SNX32: variants seen among roughly 807,000 people sequenced by gnomAD.
SNX32 encodes sorting nexin-32.
SNX32 carries 58 observed loss-of-function variants against 57.0 expected under a neutral mutation model. That is an observed-to-expected ratio of 1.02 (90% CI 0.82 to 1.27). SNX32 has a LOEUF of 1.27. Among genes scored for constraint, SNX32 ranks in the 50% most tolerant of loss-of-function variants. SNX32 has a pLI of 0.00. For synonymous variants in SNX32, 262 were observed against 220.4 expected, an observed-to-expected ratio of 1.19 and a Z score of -1.67; for missense variants, 589 against 541.2, an observed-to-expected ratio of 1.09 and a Z score of -0.88.
At chr11:65,852,055 T>C (rs1047790909) in intron 9 of SNX32, among the ~76,000 whole-genome samples, 4 of 152,148 alleles carry the variant, frequency 2.6e-5, no homozygotes, top group Non-Finnish European at 5.9e-5. Flanking sequence ...AAAATGTCTA[T>C]TGGACCGCAT....
At position 65,834,050 on chromosome 11, in the gene SNX32, G is replaced by A; in HGVS notation, c.-16G>A. 6.4e-7 allele frequency: 1 copy of A among 1,550,412 alleles called. No individual in the cohort carries two copies. Among genetic ancestry groups the A allele is most frequent in the Non-Finnish European group, 8.7e-7 (1 of 1,146,362 alleles). ...AGCACGCGGGCAGTGGCCGGACGCT[G>A]AAGCCCAGGAGAGCGATGGAGACGT... is the stretch of plus-strand genomic sequence containing the variant. On this transcript the variant is annotated 5_prime_UTR_variant, in exon 1 of 13. Transcript: ENST00000308342.
chr11:65,834,166 A>G (rs1257683927), intron 1 of SNX32, 65 bp downstream of exon 1: 44 of 1,464,032 alleles, frequency 3.0e-5, no homozygotes, highest in Non-Finnish European at 3.6e-5. Context: ...GTGATGCCCA[A>G]TCATGCGGTG....
At chr11:65,851,706 G>A (rs1221523260) in intron 9 of SNX32, 27 bp downstream of exon 9, 1 of 1,613,366 alleles carries the variant, frequency 6.2e-7, no homozygotes, top group Admixed American at 1.7e-5. Context: ...GTGCTCAAAG[G>A]CTTTCCTGGT....
In SNX32 at chr11:65,839,215, A is replaced by ATTTTTTTTTTTTTTTTTTT. The variant is rs1555032605; in HGVS notation, c.36+5121_36+5122insTTTTTTTTTTTTTTTTTTT. Among the ~76,000 whole-genome samples the ATTTTTTTTTTTTTTTTTTT allele has an allele frequency of 3.0e-3, 59 of 19,528 alleles. 9 individuals are homozygous for ATTTTTTTTTTTTTTTTTTT. The highest frequency in any genetic ancestry group is 0.022 in the Middle Eastern group (1 of 46). The allele number at this position is 19,528 out of a possible 152,430, so 12.8% of individuals were successfully genotyped here. The stretch of plus-strand genomic sequence containing the variant: ...AGCTGTGCCCCACCACGCCCAGCTA[A>ATTTTTTTTTTTTTTTTTTT]TTTTTTTGTATTTTTTTTTTTTTTT... On this transcript the variant is annotated intron_variant, in intron 1 of 12. Transcript: ENST00000308342.
chr11:65,853,011 C>A, intron 12 of SNX32, 53 bp downstream of exon 12: 2 of 1,577,416 alleles, frequency 1.3e-6, no homozygotes, highest in South Asian at 2.2e-5. Flanking sequence ...CTCCCACCTC[C>A]CTCCCTCCCC....
In SNX32 at chr11:65,852,857, T is replaced by C. The variant is rs1200518068; in HGVS notation, c.1073-16T>C. On this transcript the variant is annotated splice_polypyrimidine_tract_variant and intron_variant, in intron 11 of 12. Coordinates refer to ENST00000308342, the MANE Select transcript of SNX32 (RefSeq NM_152760.3). ...TGCCCTGCCCGGATCCCCATGCCTC[T>C]TCCCCTCCTCTCCAGAGCTCATGGA... 4 of 1,613,904 alleles carry C rather than the reference T, an allele frequency of 2.5e-6. No homozygotes were observed. Among genetic ancestry groups the C allele is most frequent in the Non-Finnish European group, 3.4e-6 (4 of 1,179,924 alleles).
intron 1 of SNX32, among the ~76,000 whole-genome samples, chr11:65,836,951 TG>T (rs1858686218): frequency 6.6e-6 from 1 of 151,376 alleles, no homozygotes; most frequent in South Asian, 2.1e-4. Context: ...CTAATGCATG[TG>T]GGGCTTAAAA....
At chr11:65,845,030 C>T (rs1858949921) in intron 1 of SNX32, among the ~76,000 whole-genome samples, 1 of 148,306 alleles carries the variant, frequency 6.7e-6, no homozygotes, top group Non-Finnish European at 1.5e-5. Context: ...AGACATGGTG[C>T]TGCACACTTG....
rs1859174179 is a variant in SNX32, at chr11:65,851,122, C to T, written c.671C>T (p.Ala224Val). ...LLEYHTRIRD[A>V]CLRADRVMRA... ...GAGTATCACACCCGTATCCGAGATG[C>T]CTGCCTGCGGGCCGACCGCGTCATG... Residue 224 changes from alanine to valine, a missense_variant, in exon 7 of 13, where the codon GCC becomes GTC. Coordinates refer to ENST00000308342, the MANE Select transcript of SNX32 (RefSeq NM_152760.3). 6.2e-7 allele frequency: 1 copy of T among 1,613,472 alleles called. No individual in the cohort carries two copies. The highest frequency in any genetic ancestry group is 1.3e-5 in the African/African-American group (1 of 74,930).
At chr11:65,840,803 CAA>C (rs11375479) in intron 1 of SNX32, among the ~76,000 whole-genome samples, 5 of 132,134 alleles carry the variant, frequency 3.8e-5, no homozygotes, top group Admixed American at 7.7e-5. Flanking sequence ...GACCCTGTCT[CAA>C]AAAAAAAAAA....
chr11:65,839,241 T>TTTTTTTTTTTTTTTG, intron 1 of SNX32, among the ~76,000 whole-genome samples: 1 of 42,784 alleles, frequency 2.3e-5, no homozygotes, highest in Non-Finnish European at 5.3e-5. Context: ...TTTTTTTTTT[T>TTTTTTTTTTTTTTTG]TTTTTTGAGA....
chr11:65,846,710 A>AC (rs1307966158), intron 1 of SNX32, among the ~76,000 whole-genome samples: 1 of 149,974 alleles, frequency 6.7e-6, no homozygotes, highest in African/African-American at 2.5e-5. Context: ...TTTGCCAGGC[A>AC]CGGTGGCTCA....
At chr11:65,842,121 G>A (rs1186908042) in intron 1 of SNX32, among the ~76,000 whole-genome samples, 2 of 152,036 alleles carry the variant, frequency 1.3e-5, no homozygotes, top group South Asian at 2.1e-4. Context: ...ATTTCAAGTC[G>A]CACCTGTCAA....
At chr11:65,834,795 G>C (rs561686379) in intron 1 of SNX32, among the ~76,000 whole-genome samples, 3 of 149,100 alleles carry the variant, frequency 2.0e-5, no homozygotes, top group Non-Finnish European at 4.5e-5. Flanking sequence ...GTGTGTCTCT[G>C]TGTGTGTGTA....
chr11:65,847,421 A>G (rs1164542537), intron 1 of SNX32, among the ~76,000 whole-genome samples: 1 of 152,112 alleles, frequency 6.6e-6, no homozygotes, highest in South Asian at 2.1e-4. Flanking sequence ...GGCTGCGGTG[A>G]GCTGTGATGG....
Position 65,851,694 on chromosome 11 carries a change from C to T in SNX32, c.825+15C>T, listed in dbSNP as rs758333379. The T allele has an allele frequency of 1.3e-5, 21 of 1,613,812 alleles. No individual in the cohort carries two copies. The highest frequency in any genetic ancestry group is 1.6e-4 in the Middle Eastern group (1 of 6,082). ...AACGGCTGAGGGTGAGTACTGCCTT[C>T]TGTGCTCAAAGGCTTTCCTGGTGAG... is the stretch of plus-strand genomic sequence containing the variant. On this transcript the variant is annotated intron_variant, in intron 9 of 12. Coordinates refer to ENST00000308342, the MANE Select transcript of SNX32 (RefSeq NM_152760.3).
intron 6 of SNX32, 87 bp from the exon 7 acceptor site, chr11:65,850,968 G>T: frequency 6.6e-7 from 1 of 1,504,070 alleles, no homozygotes; most frequent in Non-Finnish European, 9.2e-7. Context: ...GGCCTGGTTT[G>T]GAAGGAGATT....
rs371801139 is a variant in SNX32, at chr11:65,851,280, G to A, written c.710-48G>A. ...TTTGTCTGTGGCCACAAGCACCAAGGCTTGACATGCAGATGTAGGGGCTCT... is the reference window on the plus strand; with the variant it reads ...TTTGTCTGTGGCCACAAGCACCAAGACTTGACATGCAGATGTAGGGGCTCT... On this transcript the variant is annotated intron_variant, in intron 7 of 12. Transcript: ENST00000308342. 9.3e-6 allele frequency: 15 copies of A among 1,610,778 alleles called. No individual in the cohort carries two copies. In the African/African-American group the frequency reaches 1.9e-4, roughly 20 times the overall value.
At chr11:65,849,456 A>G (rs1259773213) in intron 1 of SNX32, 22 bp from the exon 2 acceptor site, 1 of 1,587,982 alleles carries the variant, frequency 6.3e-7, no homozygotes, top group Admixed American at 1.7e-5. Context: ...CAGCCAGGCC[A>G]GAGACCTCCC....
Sources: allele counts gnomAD v4.1 joint callset (sites outside exome capture counted in the v4.1 genomes callset), GRCh38; gene constraint gnomAD v4.1.1; transcripts MANE v1.5; gene names NCBI Gene and HGNC (gene_info 2026-07-23, HGNC 2026-07-21).